The following CSMD1 variants were observed in gnomAD, a reference collection of about 807,000 sequenced individuals.
The protein encoded by CSMD1 is CUB and sushi domain-containing protein 1.
A neutral mutation model predicts 417.5 loss-of-function variants in CSMD1; 213 were observed. The ratio of observed to expected loss-of-function variants is 0.51; its 90% CI spans 0.46 to 0.57. The LOEUF (loss-of-function observed/expected upper bound fraction) is 0.57, where lower values mean the gene tolerates loss of function less well. CSMD1 is among the 20% of genes least tolerant of loss of function. CSMD1 has a pLI of 0.00. For synonymous variants in CSMD1, 2,862 were observed against 1,736.8 expected, an observed-to-expected ratio of 1.65 and a Z score of -16.11; for missense variants, 6,923 against 4,529.7, an observed-to-expected ratio of 1.53 and a Z score of -15.17.
rs1814589541 is a variant in CSMD1, at chr8:3,087,157, T to C, written c.7414A>G (p.Thr2472Ala). Residue 2472 changes from threonine to alanine, a missense_variant, in exon 49 of 70, where the codon ACC (threonine) becomes GCC (alanine). By Grantham distance (58) the Thr-to-Ala change is moderately conservative. Transcript: ENST00000635120. ...ATGCCAAGTGGGTTTCGTCTACAGG[T>C]TGCATTGCTGTGGCCGACCATTCGG... ...GYRMVGHSNA[T>A]CRRNPLGMYQ... 1 of 1,613,714 alleles carries C rather than the reference T, an allele frequency of 6.2e-7. No homozygotes were observed. The highest frequency in any genetic ancestry group is 2.2e-5 in the East Asian group (1 of 44,864).
At chr8:4,268,448 GA>G (rs1392236949) in intron 3 of CSMD1, among the ~76,000 whole-genome samples, 1 of 152,174 alleles carries the variant, frequency 6.6e-6, no homozygotes, top group Non-Finnish European at 1.5e-5. Context: ...CAGCAAGTCT[GA>G]GGTACTGAAA....
At chr8:4,918,165 G>A (rs1210032324) in intron 1 of CSMD1, among the ~76,000 whole-genome samples, 1 of 152,136 alleles carries the variant, frequency 6.6e-6, no homozygotes, top group South Asian at 2.1e-4. Flanking sequence ...ATCCCGTGTT[G>A]GTGTTGGTGA....
chr8:3,424,370 G>C (rs747381705), intron 12 of CSMD1, among the ~76,000 whole-genome samples: 4 of 152,114 alleles, frequency 2.6e-5, no homozygotes, highest in Non-Finnish European at 5.9e-5. Context: ...TGAATAGTTC[G>C]CACATTGCCC....
intron 6 of CSMD1, among the ~76,000 whole-genome samples, chr8:3,734,303 G>C (rs1044660635): frequency 6.6e-6 from 1 of 152,196 alleles, no homozygotes; most frequent in African/African-American, 2.4e-5. Flanking sequence ...GGCGGGGTCT[G>C]CTGCATCTTA....
At chr8:4,512,927 C>A (rs1802904900) in intron 2 of CSMD1, among the ~76,000 whole-genome samples, 1 of 151,924 alleles carries the variant, frequency 6.6e-6, no homozygotes, top group Admixed American at 6.6e-5. Flanking sequence ...TATATGATTC[C>A]AACTGTGTAA....
At chr8:4,002,647 G>T (rs1815778425) in intron 4 of CSMD1, among the ~76,000 whole-genome samples, 1 of 152,296 alleles carries the variant, frequency 6.6e-6, no homozygotes, top group South Asian at 2.1e-4. Context: ...ATCGCTAAAG[G>T]ATAAAAGCTT....
intron 5 of CSMD1, among the ~76,000 whole-genome samples, chr8:3,904,192 G>A (rs1320021978): frequency 1.3e-5 from 2 of 152,154 alleles, no homozygotes; most frequent in Admixed American, 6.5e-5. Flanking sequence ...GAACCGGCCT[G>A]TGTCTCATTC....
At chr8:4,501,801 C>T (rs1251798532) in intron 2 of CSMD1, among the ~76,000 whole-genome samples, 1 of 152,064 alleles carries the variant, frequency 6.6e-6, no homozygotes, top group Admixed American at 6.6e-5. Flanking sequence ...TTATAACATG[C>T]AAGCGTAGTG....
chr8:3,039,024 C>T (rs1810889517), intron 50 of CSMD1, among the ~76,000 whole-genome samples: 1 of 152,114 alleles, frequency 6.6e-6, no homozygotes, highest in South Asian at 2.1e-4. Context: ...CTCTTGAGTA[C>T]TTTGGATCTT....
chr8:4,907,420 T>A (rs777443295), intron 1 of CSMD1, among the ~76,000 whole-genome samples: 3 of 152,202 alleles, frequency 2.0e-5, no homozygotes, highest in African/African-American at 4.8e-5. Context: ...AAATAGGACA[T>A]TGGGCAAAAT....
chr8:4,502,744 G>A (rs1484011685), intron 2 of CSMD1, among the ~76,000 whole-genome samples: 1 of 152,006 alleles, frequency 6.6e-6, no homozygotes, highest in Non-Finnish European at 1.5e-5. Flanking sequence ...GCTTTTATTT[G>A]TGTATGATGG....
chr8:3,791,001 C>T (rs948276470), intron 5 of CSMD1, among the ~76,000 whole-genome samples: 2 of 152,180 alleles, frequency 1.3e-5, no homozygotes, highest in African/African-American at 2.4e-5. Context: ...AAATGGAATG[C>T]AACACCTTCA....
chr8:4,553,554 T>C (rs1022409446), intron 2 of CSMD1, among the ~76,000 whole-genome samples: 13 of 152,128 alleles, frequency 8.5e-5, no homozygotes, highest in South Asian at 2.1e-4. Flanking sequence ...TTAGCTATCA[T>C]ATTTAAGAAC....
At chr8:3,439,300 T>TAC in intron 12 of CSMD1, among the ~76,000 whole-genome samples, 1 of 57,612 alleles carries the variant, frequency 1.7e-5, no homozygotes, top group African/African-American at 9.3e-5. Flanking sequence ...TATATATATA[T>TAC]ATATATATAT....
At chr8:4,020,704 C>G (rs1366434857) in intron 4 of CSMD1, among the ~76,000 whole-genome samples, 1 of 152,214 alleles carries the variant, frequency 6.6e-6, no homozygotes, top group Non-Finnish European at 1.5e-5. Flanking sequence ...CTCAGCGAAT[C>G]CGCGTGTTCC....
chr8:3,566,115 A>G (rs912713635), intron 10 of CSMD1, among the ~76,000 whole-genome samples: 4 of 152,050 alleles, frequency 2.6e-5, no homozygotes, highest in African/African-American at 4.8e-5. Flanking sequence ...GGCGGAGAAG[A>G]AGGAGAGGGA....
chr8:4,156,407 T>C (rs1380619315), intron 3 of CSMD1, among the ~76,000 whole-genome samples: 1 of 152,192 alleles, frequency 6.6e-6, no homozygotes, highest in Non-Finnish European at 1.5e-5. Flanking sequence ...AATTTCTCAA[T>C]GAGTCTCTGT....
chr8:3,129,343 C>T (rs1407406824), intron 41 of CSMD1, among the ~76,000 whole-genome samples: 8 of 152,210 alleles, frequency 5.3e-5, no homozygotes. Flanking sequence ...ATGATTCCTA[C>T]ATGGGCTTTT....
chr8:3,262,641 G>A (rs1801164286), intron 26 of CSMD1, among the ~76,000 whole-genome samples: 1 of 152,072 alleles, frequency 6.6e-6, no homozygotes, highest in South Asian at 2.1e-4. Context: ...TATTAAAGTA[G>A]AGGTATAGAC....
Sources: gnomAD v4.1 joint callset for allele counts (sites outside exome capture counted in the v4.1 genomes callset) on GRCh38, gnomAD v4.1.1 for gene constraint, MANE v1.5 for transcripts, NCBI Gene and HGNC (gene_info 2026-07-23, HGNC 2026-07-21) for gene names.